TMEM131: variants seen among roughly 807,000 people sequenced by gnomAD.
TMEM131 encodes the protein 2610524E03Rik.
In TMEM131, 66 loss-of-function variants were observed where a neutral mutation model predicts 211.6. That is an observed-to-expected ratio of 0.31 (90% CI 0.26 to 0.38). The LOEUF (loss-of-function observed/expected upper bound fraction) is 0.38, where lower values mean the gene tolerates loss of function less well. Ranked by LOEUF, TMEM131 falls within the 10% of genes least tolerant of loss-of-function variation. The probability of loss-of-function intolerance (pLI) is 1.00; values close to 1 mark genes in which losing one functional copy is unlikely to be tolerated. For missense variants in TMEM131, 2,036 were observed against 2,299.3 expected, an observed-to-expected ratio of 0.89 and a Z score of 2.34; for synonymous variants, 844 against 841.3, an observed-to-expected ratio of 1.00 and a Z score of -0.06.
intron 36 of TMEM131, chr2:97,761,188 C>T (rs2104758885): frequency 2.9e-6 from 1 of 339,136 alleles, no homozygotes; most frequent in East Asian, 5.6e-5. Flanking sequence ...AGGCTTCGAT[C>T]ACACTTTTGT....
chr2:97,777,425 G>C (rs1207044644), intron 31 of TMEM131, among the ~76,000 whole-genome samples: 1 of 152,230 alleles, frequency 6.6e-6, no homozygotes, highest in Admixed American at 6.5e-5. Context: ...GGCCAAATCT[G>C]GCCTGCAGTC....
intron 5 of TMEM131, among the ~76,000 whole-genome samples, chr2:97,855,672 C>G (rs1275275694): frequency 6.6e-6 from 1 of 150,778 alleles, no homozygotes; most frequent in Non-Finnish European, 1.5e-5. Context: ...TGCACTCCAG[C>G]CTGGGTGACA....
chr2:97,969,019 G>A (rs1217064000), intron 1 of TMEM131, among the ~76,000 whole-genome samples: 1 of 151,336 alleles, frequency 6.6e-6, no homozygotes, highest in Non-Finnish European at 1.5e-5. Context: ...GGAGATCGAG[G>A]CTGCAGTGAG....
At chr2:97,772,457 G>T (rs1433891747) in intron 32 of TMEM131, 33 bp from the exon 33 acceptor site, 18 of 1,590,402 alleles carry the variant, frequency 1.1e-5, no homozygotes, top group Non-Finnish European at 1.5e-5. Context: ...TGCTGAGAAG[G>T]ATTAATAAAA....
At chr2:97,930,924 C>G (rs1559455552) in intron 1 of TMEM131, among the ~76,000 whole-genome samples, 1 of 140,728 alleles carries the variant, frequency 7.1e-6, no homozygotes, top group Non-Finnish European at 1.5e-5. Context: ...AATATTCAAA[C>G]TAACCCTATG....
At chr2:97,877,737 T>C (rs1166857057) in intron 4 of TMEM131, among the ~76,000 whole-genome samples, 2 of 152,114 alleles carry the variant, frequency 1.3e-5, no homozygotes, top group African/African-American at 4.8e-5. Context: ...ACATATGACC[T>C]AGGACCATAA....
At chr2:97,917,758 C>G (rs567971108) in intron 2 of TMEM131, among the ~76,000 whole-genome samples, 4 of 152,064 alleles carry the variant, frequency 2.6e-5, no homozygotes, top group African/African-American at 9.7e-5. Flanking sequence ...TGGGAGTAAC[C>G]GCCGCCATGA....
At chr2:97,865,181 C>T (rs979295938) in intron 4 of TMEM131, among the ~76,000 whole-genome samples, 8 of 152,218 alleles carry the variant, frequency 5.3e-5, no homozygotes, top group African/African-American at 1.2e-4. Flanking sequence ...CTTCTCAATA[C>T]GCATTACCAG....
At chr2:97,903,242 G>C (rs561257116) in intron 3 of TMEM131, among the ~76,000 whole-genome samples, 79 of 152,244 alleles carry the variant, frequency 5.2e-4, no homozygotes, top group African/African-American at 1.8e-3. Flanking sequence ...AATGATTGCT[G>C]GGGACACGTA....
chr2:97,871,958 T>G (rs1573488363), intron 4 of TMEM131, among the ~76,000 whole-genome samples: 1 of 126,618 alleles, frequency 7.9e-6, no homozygotes, highest in African/African-American at 3.1e-5. Flanking sequence ...GAGTGGAGAA[T>G]GGGAGGGGAG....
At chr2:97,784,627 A>G (rs1680165240) in intron 31 of TMEM131, among the ~76,000 whole-genome samples, 1 of 151,956 alleles carries the variant, frequency 6.6e-6, no homozygotes, top group African/African-American at 2.4e-5. Flanking sequence ...TTATAGCACT[A>G]AAAGCATACA....
In TMEM131 at chr2:97,766,390, T is replaced by G; in HGVS notation, c.4573+88A>C. 5 of 1,602,284 alleles carry G rather than the reference T, an allele frequency of 3.1e-6. No individual in the cohort carries two copies. The Admixed American group carries it at 8.4e-5, about 27-fold the overall frequency. On this transcript the variant is annotated intron_variant, in intron 34 of 40. Coordinates refer to ENST00000186436, the MANE Select transcript of TMEM131 (RefSeq NM_015348.2). ...CCTTGCATGACTAATAACTACTGACTGCTTACTGATAATGCACAACAATTG... is the reference window on the plus strand; with the variant it reads ...CCTTGCATGACTAATAACTACTGACGGCTTACTGATAATGCACAACAATTG...
intron 1 of TMEM131, among the ~76,000 whole-genome samples, chr2:97,982,165 T>A (rs1057508671): frequency 1.3e-5 from 2 of 152,238 alleles, no homozygotes; most frequent in African/African-American, 4.8e-5. Flanking sequence ...GACATTCCAA[T>A]GTCTCCGCAC....
chr2:97,960,257 G>C (rs551517931), intron 1 of TMEM131, among the ~76,000 whole-genome samples: 1 of 152,286 alleles, frequency 6.6e-6, no homozygotes, highest in African/African-American at 2.4e-5. Context: ...AATGATTACA[G>C]TGGCAGTTGT....
chr2:97,923,389 G>A (rs915088359), intron 2 of TMEM131, among the ~76,000 whole-genome samples: 2 of 152,142 alleles, frequency 1.3e-5, no homozygotes, highest in Non-Finnish European at 2.9e-5. Context: ...TTGGGAGGCT[G>A]AGATGGGAGG....
intron 31 of TMEM131, among the ~76,000 whole-genome samples, chr2:97,786,086 G>A (rs1680237288): frequency 6.6e-6 from 1 of 152,180 alleles, no homozygotes; most frequent in African/African-American, 2.4e-5. Flanking sequence ...GCTTGGAAAT[G>A]TTCTGTGTCT....
At chr2:97,918,035 C>T (rs1676584259) in intron 2 of TMEM131, among the ~76,000 whole-genome samples, 1 of 152,020 alleles carries the variant, frequency 6.6e-6, no homozygotes, top group Non-Finnish European at 1.5e-5. Flanking sequence ...CAACCTCCGC[C>T]TCCCGGGTTC....
At chr2:97,976,392 A>G (rs941645057) in intron 1 of TMEM131, among the ~76,000 whole-genome samples, 13 of 152,200 alleles carry the variant, frequency 8.5e-5, no homozygotes, top group African/African-American at 1.7e-4. Context: ...TGAACCAGAA[A>G]TTGAGATTTT....
At chr2:97,975,959 T>C (rs750173732) in intron 1 of TMEM131, among the ~76,000 whole-genome samples, 2 of 152,140 alleles carry the variant, frequency 1.3e-5, no homozygotes, top group Non-Finnish European at 2.9e-5. Context: ...TCATTCATCA[T>C]GTTAACCAAA....
Sources: allele counts gnomAD v4.1 joint callset (sites outside exome capture counted in the v4.1 genomes callset), GRCh38; gene constraint gnomAD v4.1.1; transcripts MANE v1.5; gene names NCBI Gene and HGNC (gene_info 2026-07-23, HGNC 2026-07-21).